Variants in RBMX observed in about 807,000 individuals in gnomAD.
RBMX encodes the protein RNA binding motif protein X-linked.
In RBMX, 1 loss-of-function variant was observed where a neutral mutation model predicts 29.3. The observed-to-expected ratio is 0.03, with a 90% CI of 0.01 to 0.16. The LOEUF is 0.16. RBMX is among the 10% of genes least tolerant of loss of function. The pLI is 1.00. For synonymous variants in RBMX, 102 were observed against 102.3 expected (o/e 1.00, Z 0.02); for missense variants, 121 against 333.2 (o/e 0.36, Z 4.96).
In RBMX at chrX:136,877,341, C is replaced by CCA. The variant is rs1491575416; in HGVS notation, c.388+573_388+574insTG. Among the ~76,000 whole-genome samples the CCA allele has an allele frequency of 8.3e-4, 61 of 73,630 alleles. 6 individuals are homozygous for CCA. The highest frequency in any genetic ancestry group is 1.5e-3 in the Non-Finnish European group (56 of 37,367). 63.9% of individuals were successfully genotyped at this position (73,630 alleles called of 115,157 possible). On this transcript the variant is annotated intron_variant, in intron 4 of 8. Transcript: ENST00000320676. ...GTGCTAAACTCTACCCCCCCCCCCC[C>CCA]AAAAAAAAACCATTATTGATTTGGG...
At chrX:136,870,800 AAAAG>A (rs2077679288), downstream of RBMX, among the ~76,000 whole-genome samples, 1 of 108,114 alleles carries the variant, frequency 9.2e-6, no homozygotes, top group Non-Finnish European at 1.9e-5. Flanking sequence ...AAAAAAAAGA[AAAAG>A]AAAAAAAGAA....
chrX:136,872,299 T>A (rs2148709280), downstream of RBMX: 1 of 1,164,617 alleles, frequency 8.6e-7, no homozygotes, highest in African/African-American at 1.8e-5. Context: ...CTTTATCTAC[T>A]GTGAATCAAT....
intron 3 of RBMX, among the ~76,000 whole-genome samples, chrX:136,878,354 G>A (rs911284129): frequency 1.4e-4 from 16 of 111,121 alleles, no homozygotes; most frequent in Non-Finnish European, 2.6e-4. Flanking sequence ...TTAAAACAAG[G>A]CCAAGTAGGT....
chrX:136,872,410 A>G (rs761977892), downstream of RBMX: 533 of 950,186 alleles, frequency 5.6e-4, no homozygotes, highest in Non-Finnish European at 7.7e-4. Context: ...AAACTTGCCT[A>G]TTACTGCCCT....
chrX:136,875,334 G>A lies in RBMX; in HGVS notation c.706C>T (p.Pro236Ser). 1.7e-6 allele frequency: 2 copies of A among 1,211,459 alleles called. No individual in the cohort carries two copies. Among genetic ancestry groups the A allele is most frequent in the Non-Finnish European group, 2.2e-6 (2 of 895,371 alleles). ...CGGTAAGTATAATCTCGTGGTGGTG[G>A]TGCATAATCTCTAGTATCACGAGAA... The part of the protein sequence containing the change: ...PSSRDTRDYA[P>S]PPRDYTYRDY... Residue 236 changes from proline to serine, a missense_variant, in exon 7 of 9, where the codon CCA becomes TCA. Physicochemically the swap from Pro to Ser is moderately conservative, Grantham distance 74. Transcript: ENST00000320676.
intron 4 of RBMX, 53 bp downstream of exon 4, chrX:136,877,862 A>T: frequency 9.3e-7 from 1 of 1,078,578 alleles, no homozygotes. Context: ...ACTTGGTGTG[A>T]GCTTGCAGTC....
At chrX:136,871,595 C>T (rs906111547), downstream of RBMX, among the ~76,000 whole-genome samples, 9 of 110,987 alleles carry the variant, frequency 8.1e-5, no homozygotes, top group African/African-American at 2.9e-4. Flanking sequence ...TGCAAATGAG[C>T]AAGCACTAAC....
chrX:136,876,734 G>C (rs2077734692), intron 4 of RBMX, 79 bp from the exon 5 acceptor site: 1 of 787,931 alleles, frequency 1.3e-6, no homozygotes, highest in Admixed American at 3.7e-5. Context: ...TTTTTTTTGA[G>C]AGTCTCACTG....
chrX:136,875,440 A>G (rs1401955556), intron 6 of RBMX, 31 bp downstream of exon 6: 2 of 1,207,049 alleles, frequency 1.7e-6, no homozygotes, highest in Non-Finnish European at 2.2e-6. Flanking sequence ...AACCTTAATT[A>G]TTAATTTAAA....
At chrX:136,869,368 A>T (rs2077672089), downstream of RBMX, 1 of 112,548 alleles carries the variant, frequency 8.9e-6, no homozygotes, top group African/African-American at 3.2e-5. Flanking sequence ...CCTTTTCCAC[A>T]CATCTGCTAG....
chrX:136,871,868 T>C (rs1603365712), downstream of RBMX, among the ~76,000 whole-genome samples: 1 of 102,470 alleles, frequency 9.8e-6, no homozygotes, highest in South Asian at 4.9e-4. Context: ...TTTGCCAGAC[T>C]GGTCTCGAAC....
At position 136,876,121 on chromosome X, in the gene RBMX, T is replaced by G. The variant is rs184433383; in HGVS notation, c.541+382A>C. Among the ~76,000 whole-genome samples, 659 of 101,680 alleles carry G rather than the reference T, an allele frequency of 6.5e-3. 3 individuals carry two copies. The highest frequency in any genetic ancestry group is 8.9e-3 in the Non-Finnish European group (456 of 51,014). 88.3% of individuals were successfully genotyped at this position (101,680 alleles called of 115,157 possible). ...AGACTCCATGAATAAAGTTTTTTTT[T>G]TTTGTTTTTTTTTTTTTTTTGGAGA... On this transcript the variant is annotated intron_variant, in intron 5 of 8. Coordinates refer to ENST00000320676, the MANE Select transcript of RBMX (RefSeq NM_002139.4).
At position 136,877,903 on chromosome X, in the gene RBMX, G is replaced by T. The variant is rs771744771; in HGVS notation, c.388+12C>A. On this transcript the variant is annotated intron_variant, in intron 4 of 8. Transcript: ENST00000320676. ...CTTATACACCAAACCCGAGGTCCAC[G>T]CAAGTTATTACCCATGTGTCCTCCC... 9 of 1,162,147 alleles carry T rather than the reference G, an allele frequency of 7.7e-6. No individual in the cohort carries two copies. The highest frequency in any genetic ancestry group is 1.0e-5 in the Non-Finnish European group (9 of 867,738).
chrX:136,874,499 A>G, intron 8 of RBMX, 47 bp from the exon 9 acceptor site: 1 of 1,146,410 alleles, frequency 8.7e-7, no homozygotes, highest in Non-Finnish European at 1.2e-6. Context: ...TAAATTGTAT[A>G]TATACAACAT....
rs1475827468 is a variant in RBMX, at chrX:136,880,172, G to C, written c.-27+425C>G. 2.7e-5 allele frequency among the ~76,000 whole-genome samples: 3 copies of C among 111,870 alleles called. No homozygotes were observed. The East Asian group carries it at 8.3e-4, about 31-fold the overall frequency. Reference sequence around the variant, plus strand: ...GATTCAACCCAGAACCACCGACACTGGTCAGGGGACTAACTTTTACCACCA... The same window carrying C: ...GATTCAACCCAGAACCACCGACACTCGTCAGGGGACTAACTTTTACCACCA... On this transcript the variant is annotated intron_variant, in intron 1 of 8. Coordinates refer to ENST00000320676, the MANE Select transcript of RBMX (RefSeq NM_002139.4).
chrX:136,879,158 C>T (rs1569441366), intron 2 of RBMX, 35 bp from the exon 3 acceptor site: 1 of 1,210,151 alleles, frequency 8.3e-7, no homozygotes, highest in East Asian at 3.0e-5. Context: ...AAAGTGTTAC[C>T]CTAGGTCAAA....
intron 3 of RBMX, among the ~76,000 whole-genome samples, chrX:136,878,700 G>A (rs1217109679): frequency 1.2e-5 from 1 of 84,122 alleles, no homozygotes; most frequent in Non-Finnish European, 2.3e-5. Flanking sequence ...GCTGCAGTGG[G>A]CACTGCACCA....
chrX:136,875,346 T>C lies in RBMX; in HGVS notation c.694A>G (p.Arg232Gly), dbSNP rs1277524529. The C allele has an allele frequency of 8.3e-7, 1 of 1,211,383 alleles. No individual in the cohort carries two copies. Among genetic ancestry groups the C allele is most frequent in the Admixed American group, 2.2e-5 (1 of 46,004 alleles). The change falls in exon 7 of 9, where the codon AGA (arginine) becomes GGA (glycine). Residue 232 changes from arginine (R) to glycine (G), a missense_variant. Arg to Gly is a moderately radical substitution (Grantham distance 125). This residue lies in a region of RBMX where 114 missense variants were observed against 260.0 expected (regional missense o/e 0.44). Coordinates refer to ENST00000320676, the MANE Select transcript of RBMX (RefSeq NM_002139.4). ...SRDYPSSRDT[R>G]DYAPPPRDYT... Reference sequence around the variant, plus strand: ...TCTCGTGGTGGTGGTGCATAATCTCTAGTATCACGAGAACTTGGGTAATCT... The same window carrying C: ...TCTCGTGGTGGTGGTGCATAATCTCCAGTATCACGAGAACTTGGGTAATCT...
chrX:136,880,691 G>C lies in RBMX; in HGVS notation c.-121C>G, dbSNP rs928694138. The C allele has an allele frequency of 1.6e-5, 2 of 124,074 alleles. No individual in the cohort carries two copies. The highest frequency in any genetic ancestry group is 6.4e-5 in the African/African-American group (2 of 31,386). The allele number at this position is 124,074 out of a possible 1,213,427, so 10.2% of individuals were successfully genotyped here. ...GTGGCGGCTGCCGGGTGCGAGGACC[G>C]AACCGCGAAGCCGCTAGCACTACTG... On this transcript the variant is annotated 5_prime_UTR_variant, in exon 1 of 9. Transcript: ENST00000320676.
Sources: gnomAD v4.1 joint callset for allele counts (sites outside exome capture counted in the v4.1 genomes callset) on GRCh38, gnomAD v4.1.1 for gene constraint, gnomAD v4.1.1 regional missense constraint, MANE v1.5 for transcripts, NCBI Gene and HGNC (gene_info 2026-07-23, HGNC 2026-07-21) for gene names.